CAMK1D: variants seen among roughly 807,000 people sequenced by gnomAD.
CAMK1D encodes calcium/calmodulin dependent protein kinase ID.
A neutral mutation model predicts 47.7 loss-of-function variants in CAMK1D; 9 were observed. The ratio of observed to expected loss-of-function variants is 0.19; its 90% CI spans 0.11 to 0.33. The LOEUF (loss-of-function observed/expected upper bound fraction) is 0.33, where lower values mean the gene tolerates loss of function less well. Among genes scored for constraint, CAMK1D ranks in the 10% least tolerant of loss-of-function variants. CAMK1D has a pLI of 1.00. For synonymous variants in CAMK1D, 184 were observed against 184.9 expected, an observed-to-expected ratio of 0.99 and a Z score of 0.04; for missense variants, 291 against 488.7, an observed-to-expected ratio of 0.60 and a Z score of 3.81.
intron 2 of CAMK1D, among the ~76,000 whole-genome samples, chr10:12,580,563 A>G (rs1837634032): frequency 6.6e-6 from 1 of 152,196 alleles, no homozygotes; most frequent in Admixed American, 6.5e-5. Flanking sequence ...ATTAACTAGA[A>G]GAAACTTCAC....
intron 1 of CAMK1D, among the ~76,000 whole-genome samples, chr10:12,544,272 G>T (rs912687640): frequency 3.3e-5 from 5 of 151,828 alleles, no homozygotes; most frequent in Admixed American, 3.3e-4. Flanking sequence ...TAGAATAATG[G>T]CTTTCTTTAT....
rs56657709 is a variant in CAMK1D at position 12,764,381 on chromosome 10, C to CA, written c.438+3312dup. Among the ~76,000 whole-genome samples, 64 of 77,970 alleles carry CA rather than the reference C, an allele frequency of 8.2e-4. 3 individuals are homozygous for CA. In the Middle Eastern group the frequency reaches 0.028, roughly 34 times the overall value. 51.2% of individuals were successfully genotyped at this position (77,970 alleles called of 152,430 possible). A position where few individuals can be genotyped will look rare whatever the true frequency, so the allele number is the denominator to read the frequency against. ...GGGCAACAAGAATGACACTTTGTCT[C>CA]AAAAAAAAAAAAAAAAACATTGATC... On this transcript the variant is annotated intron_variant, in intron 4 of 10. Transcript: ENST00000619168.
chr10:12,354,538 G>A (rs1237586524), intron 1 of CAMK1D, among the ~76,000 whole-genome samples: 1 of 149,952 alleles, frequency 6.7e-6, no homozygotes, highest in Non-Finnish European at 1.5e-5. Context: ...CGATTCCCCT[G>A]CCTCAGCCTC....
At chr10:12,827,925 C>G (rs2131134702) in intron 10 of CAMK1D, among the ~76,000 whole-genome samples, 1 of 152,250 alleles carries the variant, frequency 6.6e-6, no homozygotes, top group African/African-American at 2.4e-5. Flanking sequence ...AGCGATCCAC[C>G]CACCTTGGCC....
At chr10:12,691,056 A>G (rs1032129091) in intron 3 of CAMK1D, among the ~76,000 whole-genome samples, 1 of 152,136 alleles carries the variant, frequency 6.6e-6, no homozygotes, top group Non-Finnish European at 1.5e-5. Flanking sequence ...CCATAGTTCC[A>G]TGATGCAAAC....
chr10:12,501,024 A>C (rs901160110), intron 1 of CAMK1D, among the ~76,000 whole-genome samples: 1 of 152,326 alleles, frequency 6.6e-6, no homozygotes, highest in Middle Eastern at 3.4e-3. Context: ...TGGGCTAATC[A>C]TGGGTATATC....
intron 1 of CAMK1D, among the ~76,000 whole-genome samples, chr10:12,505,745 A>G (rs1479283401): frequency 6.6e-6 from 1 of 152,270 alleles, no homozygotes; most frequent in Non-Finnish European, 1.5e-5. Flanking sequence ...TTGTGGCTTT[A>G]TTGCTGTTTG....
chr10:12,422,726 G>A lies in CAMK1D; in HGVS notation c.92+72816G>A, dbSNP rs143754119. On this transcript the variant is annotated intron_variant, in intron 1 of 10. Coordinates refer to ENST00000619168, the MANE Select transcript of CAMK1D (RefSeq NM_153498.4). The stretch of plus-strand genomic sequence containing the variant: ...CTCAGTCTGTCGCCCAGGCTGGAGT[G>A]CAGTGGCATAATCTCGGCTCACTGC... 6.6e-3 allele frequency among the ~76,000 whole-genome samples: 999 copies of A among 151,874 alleles called. 11 individuals are homozygous for A. The highest frequency in any genetic ancestry group is 0.022 in the African/African-American group (927 of 41,404).
intron 2 of CAMK1D, among the ~76,000 whole-genome samples, chr10:12,611,588 C>CTGTTTTTTTTTTTTTTTTT (rs1838622399): frequency 3.3e-5 from 2 of 59,950 alleles, no homozygotes; most frequent in African/African-American, 4.9e-5. Flanking sequence ...TTCAGAATGC[C>CTGTTTTTTTTTTTTTTTTT]TTTTTTTTTT....
intron 1 of CAMK1D, among the ~76,000 whole-genome samples, chr10:12,432,746 C>A (rs1198695729): frequency 3.3e-5 from 5 of 152,332 alleles, no homozygotes; most frequent in African/African-American, 1.2e-4. Flanking sequence ...GCTTGCCTTG[C>A]TTGCACCCTG....
At chr10:12,541,163 C>T (rs1836157349) in intron 1 of CAMK1D, among the ~76,000 whole-genome samples, 2 of 152,048 alleles carry the variant, frequency 1.3e-5, no homozygotes, top group South Asian at 2.1e-4. Context: ...CCAGATTGGG[C>T]CTGGCTTTTC....
intron 1 of CAMK1D, among the ~76,000 whole-genome samples, chr10:12,470,627 C>T (rs1833717951): frequency 6.6e-6 from 1 of 152,056 alleles, no homozygotes; most frequent in Non-Finnish European, 1.5e-5. Context: ...AGCGAGTCTG[C>T]TGCCTCAGCC....
chr10:12,494,204 A>G (rs1588552179), intron 1 of CAMK1D, among the ~76,000 whole-genome samples: 1 of 152,320 alleles, frequency 6.6e-6, no homozygotes, highest in African/African-American at 2.4e-5. Context: ...CATTTATATT[A>G]TAGTCCATCA....
intron 5 of CAMK1D, among the ~76,000 whole-genome samples, chr10:12,785,775 CA>C (rs1397219479): frequency 6.6e-6 from 1 of 152,182 alleles, no homozygotes; most frequent in Non-Finnish European, 1.5e-5. Context: ...CTGACAAGAT[CA>C]GAGTGAGAAG....
chr10:12,549,819 T>C (rs1408810102), intron 1 of CAMK1D, among the ~76,000 whole-genome samples: 1 of 152,168 alleles, frequency 6.6e-6, no homozygotes, highest in Non-Finnish European at 1.5e-5. Context: ...TGCCTCTCCA[T>C]GTTGTCAGCT....
intron 1 of CAMK1D, among the ~76,000 whole-genome samples, chr10:12,526,642 G>T (rs1032454823): frequency 6.6e-6 from 1 of 152,198 alleles, no homozygotes; most frequent in Non-Finnish European, 1.5e-5. Flanking sequence ...CAGAGGCTGG[G>T]TGTGGTGGCT....
At chr10:12,610,392 C>T (rs980984185) in intron 2 of CAMK1D, among the ~76,000 whole-genome samples, 1 of 152,190 alleles carries the variant, frequency 6.6e-6, no homozygotes, top group Non-Finnish European at 1.5e-5. Context: ...CCCCTCCTTT[C>T]TCTGGGCACA....
intron 1 of CAMK1D, among the ~76,000 whole-genome samples, chr10:12,447,597 A>AAG (rs1234188927): frequency 2.0e-5 from 3 of 152,166 alleles, no homozygotes; most frequent in African/African-American, 7.2e-5. Context: ...AACTACTCAA[A>AAG]AGAGTGAGGT....
At chr10:12,694,942 C>T (rs1223789613) in intron 3 of CAMK1D, among the ~76,000 whole-genome samples, 20 of 151,906 alleles carry the variant, frequency 1.3e-4, no homozygotes, top group Non-Finnish European at 1.5e-4. Flanking sequence ...AATAAAGATA[C>T]ACTCAGGTAT....
Sources: gnomAD v4.1 joint callset for allele counts (sites outside exome capture counted in the v4.1 genomes callset) on GRCh38, gnomAD v4.1.1 for gene constraint, MANE v1.5 for transcripts, NCBI Gene and HGNC (gene_info 2026-07-23, HGNC 2026-07-21) for gene names.